The following ATP8A2 variants were observed in gnomAD, a reference collection of about 807,000 sequenced individuals.
The protein encoded by ATP8A2 is ATPase phospholipid transporting 8A2.
Under a neutral mutation model 165.6 loss-of-function variants are expected in ATP8A2, and 100 were observed. That is an observed-to-expected ratio of 0.60 (90% confidence interval 0.51 to 0.71). ATP8A2 has a LOEUF of 0.71. Ranked by LOEUF, ATP8A2 falls within the 30% of genes least tolerant of loss-of-function variation. The pLI is 0.00. For missense variants in ATP8A2, 1,227 were observed against 1,479.5 expected, an observed-to-expected ratio of 0.83 and a Z score of 2.80; for synonymous variants, 543 against 548.8, an observed-to-expected ratio of 0.99 and a Z score of 0.15.
At chr13:25,846,048 T>C (rs933942070) in intron 30 of ATP8A2, among the ~76,000 whole-genome samples, 3 of 152,152 alleles carry the variant, frequency 2.0e-5, no homozygotes, top group African/African-American at 7.2e-5. Flanking sequence ...TGGTGGCGCA[T>C]GCCTGTAACC....
chr13:25,529,914 A>G, intron 2 of ATP8A2, 85 bp from the exon 3 acceptor site: 1 of 750,942 alleles, frequency 1.3e-6, no homozygotes, highest in Non-Finnish European at 2.2e-6. Context: ...AACCATTTGT[A>G]AAACTTTCTA....
In ATP8A2 at chr13:25,953,454, T is replaced by C. The variant is rs558257330; in HGVS notation, c.3184-8121T>C. 6.6e-6 allele frequency among the ~76,000 whole-genome samples: 1 copy of C among 151,130 alleles called. No individual in the cohort carries two copies. The highest frequency in any genetic ancestry group is 2.4e-5 in the African/African-American group (1 of 41,160). On this transcript the variant is annotated intron_variant, in intron 33 of 36. Coordinates refer to ENST00000381655, the MANE Select transcript of ATP8A2 (RefSeq NM_016529.6). This position sits in a 1 kb window ranked among gnomAD's most constrained non-coding sequence, Gnocchi z 6.7. ...GTTGCTGCTCCACCTTTATTACATC[T>C]TTTCAAATCCACGCCACATTGGGGA...
chr13:25,470,205 A>G (rs779880698), intron 2 of ATP8A2, among the ~76,000 whole-genome samples: 7 of 152,208 alleles, frequency 4.6e-5, no homozygotes, highest in South Asian at 2.1e-4. Context: ...TGCATATTAT[A>G]TGGAGGTGGA....
rs75466927 is a variant in ATP8A2, at chr13:25,861,054, C to A, written c.3075+194C>A. Among the ~76,000 whole-genome samples the A allele has an allele frequency of 8.5e-4, 130 of 152,192 alleles. 1 individual carries two copies. The highest frequency in any genetic ancestry group is 3.0e-3 in the African/African-American group (124 of 41,534). On this transcript the variant is annotated intron_variant, in intron 32 of 36. Transcript: ENST00000381655. ...CTCTTGGTGATTCATTTGCTTGGCA[C>A]GTAATACAGCTCTAAGCTATTAACA...
At chr13:25,623,687 T>C (rs2041030084) in intron 24 of ATP8A2, among the ~76,000 whole-genome samples, 1 of 152,172 alleles carries the variant, frequency 6.6e-6, no homozygotes, top group South Asian at 2.1e-4. Flanking sequence ...CTTTTGGACA[T>C]GGGAGAATTT....
intron 27 of ATP8A2, among the ~76,000 whole-genome samples, chr13:25,801,965 C>T (rs1412581275): frequency 6.6e-6 from 1 of 152,040 alleles, no homozygotes; most frequent in Admixed American, 6.6e-5. Flanking sequence ...CTCATTATCA[C>T]GAGAATAACA....
intron 23 of ATP8A2, among the ~76,000 whole-genome samples, chr13:25,584,471 G>A (rs1003263163): frequency 6.6e-6 from 1 of 152,164 alleles, no homozygotes; most frequent in Non-Finnish European, 1.5e-5. Flanking sequence ...GGAAGATCAA[G>A]TATCTAGCAG....
In ATP8A2 at chr13:25,892,347, G is replaced by C. The variant is rs140506862; in HGVS notation, c.3183+29939G>C. Among the ~76,000 whole-genome samples the C allele has an allele frequency of 2.2e-3, 338 of 152,178 alleles. 3 individuals carry two copies. Among genetic ancestry groups the C allele is most frequent in the African/African-American group, 7.9e-3 (326 of 41,500 alleles). ...CTGTGCACAGCCTATCTTGGCACAGGGTGGCATCTCTTTAGTTATGAGACA... is the reference window on the plus strand; with the variant it reads ...CTGTGCACAGCCTATCTTGGCACAGCGTGGCATCTCTTTAGTTATGAGACA... On this transcript the variant is annotated intron_variant, in intron 33 of 36. Transcript: ENST00000381655.
intron 24 of ATP8A2, among the ~76,000 whole-genome samples, chr13:25,599,826 C>G (rs2040335746): frequency 6.6e-6 from 1 of 152,160 alleles, no homozygotes; most frequent in African/African-American, 2.4e-5. Flanking sequence ...CCATGGACAG[C>G]TAATATCTTT....
In ATP8A2 at chr13:25,630,078, T is replaced by TCC. The variant is rs34642362; in HGVS notation, c.2211+40387_2211+40388dup. On this transcript the variant is annotated intron_variant, in intron 24 of 36. Coordinates refer to ENST00000381655, the MANE Select transcript of ATP8A2 (RefSeq NM_016529.6). ...TCATGCTGTTTAAGACACCTTTTTG[T>TCC]CCCCCCCCCACCACCAAACAGGGAA... 1.2e-3 allele frequency among the ~76,000 whole-genome samples: 184 copies of TCC among 147,982 alleles called. 2 individuals carry two copies. In the East Asian group the frequency reaches 0.021, roughly 17 times the overall value.
At chr13:25,817,311 A>G (rs1291770452) in intron 27 of ATP8A2, among the ~76,000 whole-genome samples, 2 of 147,806 alleles carry the variant, frequency 1.4e-5, no homozygotes, top group Non-Finnish European at 3.0e-5. Flanking sequence ...AATCAATTTA[A>G]TTGTGCATAC....
chr13:26,016,948 T>G (rs4770898), intron 36 of ATP8A2, among the ~76,000 whole-genome samples: 152,051 of 152,272 alleles, frequency 1, 75,916 homozygotes, highest in Middle Eastern at 1. Context: ...AGCTTAAAGA[T>G]CCCAAAGTCA....
At chr13:25,713,826 G>A (rs948804447) in intron 25 of ATP8A2, among the ~76,000 whole-genome samples, 7 of 151,846 alleles carry the variant, frequency 4.6e-5, no homozygotes, top group East Asian at 1.9e-4. Context: ...AGCAGCTACC[G>A]TGGTGGACAA....
intron 35 of ATP8A2, among the ~76,000 whole-genome samples, chr13:25,997,757 G>C (rs958918232): frequency 6.6e-6 from 1 of 151,512 alleles, no homozygotes; most frequent in Non-Finnish European, 1.5e-5. Context: ...ATATTTTTCC[G>C]TTCTGAAATT....
intron 1 of ATP8A2, among the ~76,000 whole-genome samples, chr13:25,390,716 G>C (rs2033213236): frequency 6.6e-6 from 1 of 152,118 alleles, no homozygotes; most frequent in Non-Finnish European, 1.5e-5. Context: ...GATCATTTGA[G>C]GTCAGGAGTT....
intron 1 of ATP8A2, among the ~76,000 whole-genome samples, chr13:25,435,944 T>A (rs11617817): frequency 1.4e-5 from 1 of 71,556 alleles, no homozygotes; most frequent in Non-Finnish European, 3.4e-5. Context: ...TGTGTGTGTG[T>A]GTGTGTGAGT....
At chr13:25,464,467 AT>A (rs2035583822) in intron 1 of ATP8A2, among the ~76,000 whole-genome samples, 3 of 143,968 alleles carry the variant, frequency 2.1e-5, no homozygotes, top group Non-Finnish European at 4.6e-5. Flanking sequence ...AAAAAAAAAA[AT>A]TCCTTTCTCT....
At chr13:25,923,407 A>T (rs768882113) in intron 33 of ATP8A2, among the ~76,000 whole-genome samples, 9 of 152,260 alleles carry the variant, frequency 5.9e-5, no homozygotes, top group Non-Finnish European at 1.0e-4. Flanking sequence ...GGCCAGGCTA[A>T]GTGCTAAGAG....
At chr13:25,733,734 C>CA (rs896231229) in intron 25 of ATP8A2, among the ~76,000 whole-genome samples, 1 of 152,044 alleles carries the variant, frequency 6.6e-6, no homozygotes, top group Non-Finnish European at 1.5e-5. Context: ...TATTAAAAAG[C>CA]AAAAAAGTCA....
Sources: gnomAD v4.1 joint callset for allele counts (sites outside exome capture counted in the v4.1 genomes callset) on GRCh38, gnomAD v4.1.1 for gene constraint, Gnocchi (gnomAD v3.1) non-coding constraint, MANE v1.5 for transcripts, NCBI Gene and HGNC (gene_info 2026-07-23, HGNC 2026-07-21) for gene names.